Variants in ANXA8 observed in about 807,000 individuals in gnomAD.
ANXA8 encodes annexin A8, also known as VAC-beta.
ANXA8 carries 9 observed loss-of-function variants against 26.8 expected under a neutral mutation model. That is an observed-to-expected ratio of 0.34 (90% CI 0.20 to 0.59). The LOEUF (loss-of-function observed/expected upper bound fraction) is 0.59. Ranked by LOEUF, ANXA8 falls within the 20% of genes least tolerant of loss-of-function variation. ANXA8 has a pLI of 0.84. For synonymous variants in ANXA8, 39 were observed against 94.8 expected, an observed-to-expected ratio of 0.41 and a Z score of 3.42; for missense variants, 83 against 238.5, an observed-to-expected ratio of 0.35 and a Z score of 4.29.
the ANXA8 span, among the ~76,000 whole-genome samples, chr10:47,681,852 T>G: frequency 1.3e-4 from 15 of 118,582 alleles, no homozygotes; most frequent in African/African-American, 4.9e-4. Context: ...AATTCTGGCC[T>G]TTTGATGTTG....
the ANXA8 span, among the ~76,000 whole-genome samples, chr10:47,652,618 T>C: frequency 3.7e-3 from 555 of 148,348 alleles, no homozygotes; most frequent in Non-Finnish European, 5.6e-3. Flanking sequence ...TAAATTATGG[T>C]ATTTGCTTTG....
the ANXA8 span, chr10:47,502,210 T>C: frequency 3.2e-6 from 5 of 1,552,286 alleles, 1 homozygote; most frequent in South Asian, 1.1e-5. Context: ...CAGGAGCTGC[T>C]CCAGGACCAC....
the ANXA8 span, among the ~76,000 whole-genome samples, chr10:47,948,644 A>G: frequency 6.7e-6 from 1 of 149,906 alleles, no homozygotes; most frequent in African/African-American, 2.5e-5. Flanking sequence ...TGGATCACAT[A>G]CTTGTAATTG....
At chr10:47,484,255 C>T (rs1220742058), upstream of ANXA8, 22 of 683,760 alleles carry the variant, frequency 3.2e-5, no homozygotes, top group Admixed American at 2.7e-4. Context: ...CTCCAGCCTG[C>T]GAAAGCCCCA....
At chr10:47,971,289 T>A in the ANXA8 span, among the ~76,000 whole-genome samples, 1 of 150,922 alleles carries the variant, frequency 6.6e-6, no homozygotes, top group Non-Finnish European at 1.5e-5. Flanking sequence ...AGTGCTGGAG[T>A]CTCCTTTCTT....
chr10:47,470,021 G>T (rs1257782619), intron 11 of ANXA8, among the ~76,000 whole-genome samples: 2 of 151,492 alleles, frequency 1.3e-5, no homozygotes, highest in Non-Finnish European at 2.9e-5. Flanking sequence ...TGGGATTACG[G>T]GTGTGGGCCA....
chr10:47,740,015 C>T, the ANXA8 span, among the ~76,000 whole-genome samples: 9 of 55,522 alleles, frequency 1.6e-4, no homozygotes, highest in African/African-American at 4.7e-4. Flanking sequence ...TCACTTGAGC[C>T]CGGGAGTTTG....
the ANXA8 span, among the ~76,000 whole-genome samples, chr10:47,656,316 T>C: frequency 6.6e-6 from 1 of 151,378 alleles, no homozygotes; most frequent in Non-Finnish European, 1.5e-5. Flanking sequence ...GAGGATCTCT[T>C]GAGCCCAGGA....
the ANXA8 span, among the ~76,000 whole-genome samples, chr10:47,497,336 C>T: frequency 2.2e-5 from 3 of 134,274 alleles, no homozygotes; most frequent in Non-Finnish European, 4.7e-5. Context: ...AAAAAAAAGG[C>T]CAGGCGCAAT....
At chr10:47,649,641 T>A in the ANXA8 span, among the ~76,000 whole-genome samples, 5 of 151,386 alleles carry the variant, frequency 3.3e-5, no homozygotes, top group African/African-American at 9.8e-5. Context: ...ACTCCTGACC[T>A]CGTGATCTGC....
the ANXA8 span, among the ~76,000 whole-genome samples, chr10:47,643,440 A>G: frequency 6.9e-6 from 1 of 145,850 alleles, no homozygotes; most frequent in African/African-American, 2.8e-5. Flanking sequence ...GAGGCAGGAG[A>G]ACCGCTTGAA....
At chr10:47,527,714 G>A in the ANXA8 span, among the ~76,000 whole-genome samples, 3 of 141,334 alleles carry the variant, frequency 2.1e-5, 1 homozygote. Context: ...CTGGAGGTGA[G>A]AAAACAATGA....
chr10:47,555,783 C>T, the ANXA8 span, among the ~76,000 whole-genome samples: 1 of 151,600 alleles, frequency 6.6e-6, no homozygotes, highest in African/African-American at 2.4e-5. Context: ...GCAGAGAGAA[C>T]TGGAGAACTG....
the ANXA8 span, among the ~76,000 whole-genome samples, chr10:47,693,392 C>T: frequency 6.6e-6 from 1 of 151,228 alleles, no homozygotes; most frequent in Admixed American, 6.6e-5. Flanking sequence ...CGGGTTCACG[C>T]CATTTTCCTG....
chr10:47,768,230 T>C, the ANXA8 span, among the ~76,000 whole-genome samples: 5 of 151,488 alleles, frequency 3.3e-5, no homozygotes, highest in Admixed American at 2.0e-4. Flanking sequence ...TCAGCCTCCA[T>C]GGCTCACTCC....
chr10:47,960,396 C>T, the ANXA8 span, among the ~76,000 whole-genome samples: 182 of 145,470 alleles, frequency 1.3e-3, no homozygotes, highest in Middle Eastern at 3.5e-3. Flanking sequence ...TGGCCTCCCT[C>T]CTCTGGCTGT....
chr10:47,753,391 A>G, the ANXA8 span: 1 of 62,286 alleles, frequency 1.6e-5, no homozygotes, highest in Non-Finnish European at 3.2e-5. Context: ...CCTGTGGGCT[A>G]TACCATAGCC....
At chr10:47,763,286 A>G in the ANXA8 span, 4 of 983,654 alleles carry the variant, frequency 4.1e-6, no homozygotes, top group Admixed American at 6.2e-5. Flanking sequence ...ACCGGTCGAG[A>G]GCGCAATTCT....
the ANXA8 span, among the ~76,000 whole-genome samples, chr10:47,624,123 T>C: frequency 9.7e-6 from 1 of 102,692 alleles, no homozygotes; most frequent in Non-Finnish European, 2.1e-5. Flanking sequence ...GCGCCTGTAG[T>C]CCCAGCTACT....
Sources: gnomAD v4.1 joint callset for allele counts (sites outside exome capture counted in the v4.1 genomes callset) on GRCh38, gnomAD v4.1.1 for gene constraint, MANE v1.5 for transcripts, NCBI Gene and HGNC (gene_info 2026-07-23, HGNC 2026-07-21) for gene names.